CSNK2A2: variants seen among roughly 807,000 people sequenced by gnomAD.
CSNK2A2 encodes casein kinase II subunit alpha'.
In CSNK2A2, 8 loss-of-function variants were observed where a neutral mutation model predicts 54.0. The ratio of observed to expected loss-of-function variants is 0.15; its 90% confidence interval spans 0.09 to 0.27. The LOEUF (loss-of-function observed/expected upper bound fraction) is 0.27, where lower values mean the gene tolerates loss of function less well. Ranked by LOEUF, CSNK2A2 falls within the 10% of genes least tolerant of loss-of-function variation. The pLI is 1.00. For missense variants in CSNK2A2, 242 were observed against 439.4 expected, an observed-to-expected ratio of 0.55 and a Z score of 4.02; for synonymous variants, 141 against 153.9, an observed-to-expected ratio of 0.92 and a Z score of 0.62.
chr16:58,187,008 G>A, intron 2 of CSNK2A2, 152 bp from the exon 3 acceptor site: 1 of 594,166 alleles, frequency 1.7e-6, no homozygotes, highest in East Asian at 3.0e-5. Context: ...AACTGAAATA[G>A]AATGGGCTTG....
chr16:58,186,948 C>A (rs750449383), intron 2 of CSNK2A2, 92 bp from the exon 3 acceptor site: 3 of 973,362 alleles, frequency 3.1e-6, no homozygotes, highest in Non-Finnish European at 4.8e-6. Flanking sequence ...ATGGATAGTA[C>A]GCTATCTTGT....
chr16:58,188,797 T>G (rs1479527776), intron 2 of CSNK2A2, among the ~76,000 whole-genome samples: 1 of 152,132 alleles, frequency 6.6e-6, no homozygotes, highest in Non-Finnish European at 1.5e-5. Flanking sequence ...TATAGGTGTG[T>G]GTATATGTAC....
intron 3 of CSNK2A2, among the ~76,000 whole-genome samples, chr16:58,184,980 A>G (rs1962152684): frequency 6.6e-6 from 1 of 152,234 alleles, no homozygotes; most frequent in Non-Finnish European, 1.5e-5. Context: ...ATATATAATC[A>G]AATATTTTTA....
chr16:58,167,843 C>T, intron 6 of CSNK2A2, 48 bp from the exon 7 acceptor site: 1 of 1,457,738 alleles, frequency 6.9e-7, no homozygotes, highest in Non-Finnish European at 9.6e-7. Context: ...TTTCTAGACG[C>T]CTATGCCTTA....
At chr16:58,163,755 T>G in intron 11 of CSNK2A2, 1 of 217,146 alleles carries the variant, frequency 4.6e-6, no homozygotes, top group South Asian at 1.0e-4. Flanking sequence ...AATTCAACAG[T>G]GGTGCCCTGT....
chr16:58,184,246 A>T lies in CSNK2A2; in HGVS notation c.369+14T>A, dbSNP rs1298796287. On this transcript the variant is annotated intron_variant, in intron 4 of 11. Coordinates refer to ENST00000262506, the MANE Select transcript of CSNK2A2 (RefSeq NM_001896.4). Reference sequence around the variant, plus strand: ...ACCCCGTTAACCCCATGCCAGAAAGAAAAGCATACGCACCTTAAAATCTGT... The same window carrying T: ...ACCCCGTTAACCCCATGCCAGAAAGTAAAGCATACGCACCTTAAAATCTGT... 1.3e-6 allele frequency: 2 copies of T among 1,597,720 alleles called. No homozygotes were observed. Among genetic ancestry groups the T allele is most frequent in the East Asian group, 2.2e-5 (1 of 44,456 alleles).
At chr16:58,193,441 G>C (rs1169430860) in intron 2 of CSNK2A2, among the ~76,000 whole-genome samples, 1 of 152,142 alleles carries the variant, frequency 6.6e-6, no homozygotes, top group Non-Finnish European at 1.5e-5. Context: ...AGGGGAAAAT[G>C]GATAGTCAAT....
intron 11 of CSNK2A2, chr16:58,159,120 T>C (rs1373588635): frequency 6.6e-6 from 1 of 152,128 alleles, no homozygotes; most frequent in South Asian, 2.1e-4. Flanking sequence ...GTGCATGAGG[T>C]TAAGAAAGAA....
intron 4 of CSNK2A2, among the ~76,000 whole-genome samples, chr16:58,183,239 T>C (rs936499418): frequency 1.3e-5 from 2 of 150,304 alleles, no homozygotes; most frequent in Admixed American, 6.6e-5. Context: ...TAGCTGGGGG[T>C]AGTAGTGCAT....
chr16:58,183,853 T>C (rs930026770), intron 4 of CSNK2A2, among the ~76,000 whole-genome samples: 9 of 152,224 alleles, frequency 5.9e-5, no homozygotes, highest in Non-Finnish European at 1.3e-4. Flanking sequence ...ACACACACTT[T>C]GTTATTTGAC....
At chr16:58,176,305 G>C (rs1196707255) in intron 4 of CSNK2A2, among the ~76,000 whole-genome samples, 1 of 152,194 alleles carries the variant, frequency 6.6e-6, no homozygotes, top group East Asian at 1.9e-4. Flanking sequence ...CCTACACCAT[G>C]CATCTGTATA....
intron 4 of CSNK2A2, among the ~76,000 whole-genome samples, chr16:58,181,559 A>C (rs1962042285): frequency 6.6e-6 from 1 of 152,176 alleles, no homozygotes; most frequent in South Asian, 2.1e-4. Flanking sequence ...CACAAAGAAA[A>C]ATAGAGAAAA....
intron 2 of CSNK2A2, chr16:58,192,831 CCT>C (rs1337934864): frequency 3.9e-5 from 6 of 152,180 alleles, no homozygotes; most frequent in African/African-American, 1.2e-4. Context: ...GCTTCCACCC[CCT>C]GACTACATGA....
At chr16:58,162,486 C>T (rs974246201) in intron 11 of CSNK2A2, 2 of 151,874 alleles carry the variant, frequency 1.3e-5, no homozygotes, top group Admixed American at 6.6e-5. Flanking sequence ...ACAGACCAAA[C>T]GACAAAAATA....
chr16:58,178,859 C>G (rs1004443493), intron 4 of CSNK2A2, among the ~76,000 whole-genome samples: 5 of 152,092 alleles, frequency 3.3e-5, no homozygotes, highest in African/African-American at 1.2e-4. Flanking sequence ...ACTAAAGTTA[C>G]AAAGCAACCA....
chr16:58,192,623 G>C (rs764405104), intron 2 of CSNK2A2: 4 of 152,168 alleles, frequency 2.6e-5, no homozygotes, highest in Non-Finnish European at 5.9e-5. Flanking sequence ...ACTTACCAAA[G>C]TCAAACACTT....
At chr16:58,195,643 G>C (rs1440159315) in intron 2 of CSNK2A2, among the ~76,000 whole-genome samples, 1 of 152,148 alleles carries the variant, frequency 6.6e-6, no homozygotes, top group Non-Finnish European at 1.5e-5. Context: ...ACCCATCACA[G>C]ATTCTAAGAA....
At chr16:58,182,400 A>C (rs1335342003) in intron 4 of CSNK2A2, among the ~76,000 whole-genome samples, 13 of 142,818 alleles carry the variant, frequency 9.1e-5, no homozygotes, top group South Asian at 2.5e-4. Flanking sequence ...AAAAAAAAAA[A>C]AAAAACTAGC....
At chr16:58,182,219 A>T (rs2142435596) in intron 4 of CSNK2A2, among the ~76,000 whole-genome samples, 1 of 152,054 alleles carries the variant, frequency 6.6e-6, no homozygotes. Context: ...AAATCAACAG[A>T]GCAGATGTCA....
Sources: allele counts gnomAD v4.1 joint callset (sites outside exome capture counted in the v4.1 genomes callset), GRCh38; gene constraint gnomAD v4.1.1; transcripts MANE v1.5; gene names NCBI Gene and HGNC (gene_info 2026-07-23, HGNC 2026-07-21).